The following LHFPL2 variants were observed in gnomAD, a reference collection of about 807,000 sequenced individuals.
LHFPL2 encodes LHFPL tetraspan subfamily member 2 protein.
Under a neutral mutation model 17.5 loss-of-function variants are expected in LHFPL2, and 7 were observed. The ratio of observed to expected loss-of-function variants is 0.40; its 90% CI spans 0.23 to 0.75. The LOEUF (loss-of-function observed/expected upper bound fraction) is 0.75. Ranked by LOEUF, LHFPL2 falls within the 30% of genes least tolerant of loss-of-function variation. The pLI is 0.37. For missense variants in LHFPL2, 241 were observed against 294.8 expected (o/e 0.82, Z 1.34); for synonymous variants, 134 against 116.2 (o/e 1.15, Z -0.99).
chr5:78,637,800 T>C (rs75025712), intron 1 of LHFPL2, among the ~76,000 whole-genome samples: 3,854 of 152,310 alleles, frequency 0.025, 152 homozygotes, highest in African/African-American at 0.088. Context: ...CCCTGCTGTA[T>C]CAGAGTCTGT....
At chr5:78,634,232 C>T (rs890230827) in intron 1 of LHFPL2, among the ~76,000 whole-genome samples, 4 of 152,186 alleles carry the variant, frequency 2.6e-5, no homozygotes, top group Admixed American at 2.0e-4. Flanking sequence ...GAGGCCAAAG[C>T]ATCAAAATAG....
Position 78,486,960 on chromosome 5 carries a change from T to C in LHFPL2, c.*1937A>G, listed in dbSNP as rs974773318. 2 of 152,184 alleles carry C rather than the reference T, an allele frequency of 1.3e-5. No individual in the cohort carries two copies. The highest frequency in any genetic ancestry group is 4.8e-5 in the African/African-American group (2 of 41,448). 9.4% of individuals were successfully genotyped at this position (152,184 alleles called of 1,614,324 possible). A position where few individuals can be genotyped will look rare whatever the true frequency, so the allele number is the denominator to read the frequency against. On this transcript the variant is annotated 3_prime_UTR_variant, in exon 5 of 5. Transcript: ENST00000380345. ...CAAGGTTTGAGACTTGGTTAGAACA[T>C]TATAAATGTACACACAGAGACAGAA...
At chr5:78,563,402 A>G (rs1561340828) in intron 3 of LHFPL2, among the ~76,000 whole-genome samples, 1 of 152,194 alleles carries the variant, frequency 6.6e-6, no homozygotes, top group Non-Finnish European at 1.5e-5. Context: ...GTAGATAAAG[A>G]TTATCAGTTT....
intron 3 of LHFPL2, among the ~76,000 whole-genome samples, chr5:78,524,829 T>A: frequency 6.6e-6 from 1 of 152,018 alleles, no homozygotes; most frequent in East Asian, 1.9e-4. Flanking sequence ...TTGGAAACAG[T>A]TACATATTTT....
chr5:78,605,297 A>AG (rs1474633733), intron 2 of LHFPL2, among the ~76,000 whole-genome samples: 2 of 152,200 alleles, frequency 1.3e-5, no homozygotes, highest in Non-Finnish European at 2.9e-5. Flanking sequence ...CAGGCAATCA[A>AG]CGCAACTTCA....
intron 3 of LHFPL2, chr5:78,549,295 T>C (rs552165423): frequency 6.6e-6 from 1 of 152,368 alleles, no homozygotes; most frequent in East Asian, 1.9e-4. Flanking sequence ...GTCAGACCCT[T>C]TGAGGCTGAG....
intron 1 of LHFPL2, among the ~76,000 whole-genome samples, chr5:78,635,560 T>C (rs1472130645): frequency 6.6e-6 from 1 of 152,256 alleles, no homozygotes; most frequent in African/African-American, 2.4e-5. Context: ...TCCAGCACTT[T>C]GGGAGGCCCA....
Position 78,510,379 on chromosome 5 carries a change from A to G in LHFPL2, c.-166T>C. 3 of 692,954 alleles carry G rather than the reference A, an allele frequency of 4.3e-6. No homozygotes were observed. The highest frequency in any genetic ancestry group is 2.0e-5 in the South Asian group (1 of 48,856). 42.9% of individuals were successfully genotyped at this position (692,954 alleles called of 1,614,324 possible). A position where few individuals can be genotyped will look rare whatever the true frequency, so the allele number is the denominator to read the frequency against. On this transcript the variant is annotated 5_prime_UTR_variant, in exon 4 of 5. Transcript: ENST00000380345. ...CTGGGGACAGCGCTCCCGGACCCAG[A>G]GCACCGCCTGCGGCCTCACCTAGGG...
chr5:78,591,663 C>T (rs1743631276), intron 2 of LHFPL2, among the ~76,000 whole-genome samples: 1 of 152,176 alleles, frequency 6.6e-6, no homozygotes, highest in Non-Finnish European at 1.5e-5. Context: ...TTATGGAACA[C>T]TTTCTTTCTG....
chr5:78,606,645 C>T (rs1003808325), intron 2 of LHFPL2, among the ~76,000 whole-genome samples: 5 of 152,130 alleles, frequency 3.3e-5, no homozygotes, highest in Non-Finnish European at 5.9e-5. Flanking sequence ...CAGCCAGAAA[C>T]CCTGGCATTT....
intron 2 of LHFPL2, among the ~76,000 whole-genome samples, chr5:78,622,400 C>G (rs1330229446): frequency 2.6e-5 from 4 of 152,202 alleles, no homozygotes; most frequent in Non-Finnish European, 5.9e-5. Flanking sequence ...TCATTTAATC[C>G]TCCCAACAAT....
chr5:78,493,311 G>C (rs1427583874), intron 4 of LHFPL2, among the ~76,000 whole-genome samples: 1 of 152,126 alleles, frequency 6.6e-6, no homozygotes, highest in Non-Finnish European at 1.5e-5. Flanking sequence ...AGCAGCTTCA[G>C]AGCAGCCTGG....
At chr5:78,610,079 C>A (rs1160316023) in intron 2 of LHFPL2, among the ~76,000 whole-genome samples, 1 of 152,128 alleles carries the variant, frequency 6.6e-6, no homozygotes, top group South Asian at 2.1e-4. Context: ...ACTTACCTAG[C>A]CTGCCAGGAG....
intron 2 of LHFPL2, among the ~76,000 whole-genome samples, chr5:78,622,391 C>T (rs539139000): frequency 1.3e-5 from 2 of 152,238 alleles, no homozygotes; most frequent in Non-Finnish European, 2.9e-5. Context: ...TAGGTTCCCT[C>T]ATTTAATCCT....
chr5:78,504,425 A>G (rs1437605586), intron 4 of LHFPL2, among the ~76,000 whole-genome samples: 2 of 152,074 alleles, frequency 1.3e-5, no homozygotes, highest in South Asian at 2.1e-4. Context: ...TCAGTGGCTG[A>G]CCTTGTCTTT....
At chr5:78,532,102 T>C (rs1283269062) in intron 3 of LHFPL2, among the ~76,000 whole-genome samples, 3 of 152,142 alleles carry the variant, frequency 2.0e-5, no homozygotes, top group Non-Finnish European at 4.4e-5. Flanking sequence ...TTTTGTATTT[T>C]TAGTAGAAAT....
chr5:78,617,362 C>T (rs567860632), intron 2 of LHFPL2, among the ~76,000 whole-genome samples: 1 of 152,146 alleles, frequency 6.6e-6, no homozygotes, highest in Non-Finnish European at 1.5e-5. Flanking sequence ...GAACTCCACA[C>T]TTATGTGAAA....
At chr5:78,501,446 G>A (rs1454295607) in intron 4 of LHFPL2, among the ~76,000 whole-genome samples, 1 of 152,130 alleles carries the variant, frequency 6.6e-6, no homozygotes, top group African/African-American at 2.4e-5. Context: ...AGAGATGGGG[G>A]AGTGTAGAGG....
chr5:78,512,816 G>A (rs1370895896), intron 3 of LHFPL2, among the ~76,000 whole-genome samples: 1 of 149,066 alleles, frequency 6.7e-6, no homozygotes, highest in Non-Finnish European at 1.5e-5. Flanking sequence ...CCAGGCTGGA[G>A]TGCAGTGGCA....
Sources: gnomAD v4.1 joint callset for allele counts (sites outside exome capture counted in the v4.1 genomes callset) on GRCh38, gnomAD v4.1.1 for gene constraint, MANE v1.5 for transcripts, NCBI Gene and HGNC (gene_info 2026-07-23, HGNC 2026-07-21) for gene names.